Variants in CDK5RAP3 observed in about 807,000 individuals in gnomAD.
CDK5RAP3 encodes the protein CDK5 regulatory subunit-associated protein 3.
In CDK5RAP3, 58 loss-of-function variants were observed where a neutral mutation model predicts 73.3. That is an observed-to-expected ratio of 0.79 (90% CI 0.64 to 0.98). The LOEUF is 0.98. Ranked by LOEUF, CDK5RAP3 falls within the 50% of genes least tolerant of loss-of-function variation. The pLI is 0.00. For missense variants in CDK5RAP3, 525 were observed against 615.8 expected, an observed-to-expected ratio of 0.85 and a Z score of 1.56; for synonymous variants, 224 against 247.5, an observed-to-expected ratio of 0.91 and a Z score of 0.89.
In CDK5RAP3 at chr17:47,975,595, C is replaced by T. The variant is rs1021394163; in HGVS notation, c.595C>T (p.Gln199Ter). ...GGCTGAGATTGGGGCAGCGGCTCAG[C>T]AGTCCCTGGGGGAAGCCATTGACGT... is the stretch of plus-strand genomic sequence containing the variant. Reference protein sequence around the residue: ...QLAEIGAAAQQSLGEAIDVYQ... With the variant: ...QLAEIGAAAQ Residue 199 changes from glutamine (Q) to a stop codon, truncating the protein, a stop_gained, in exon 7 of 14, where the codon CAG becomes TAG. Coordinates refer to ENST00000338399, the MANE Select transcript of CDK5RAP3 (RefSeq NM_176096.3). LOFTEE classifies it high-confidence loss of function. 2 of 1,609,128 alleles carry T rather than the reference C, an allele frequency of 1.2e-6. No individual in the cohort carries two copies. The highest frequency in any genetic ancestry group is 8.5e-7 in the Non-Finnish European group (1 of 1,180,004).
At chr17:47,975,802 C>A (rs2036394925) in intron 7 of CDK5RAP3, 67 bp from the exon 8 acceptor site, 2 of 1,606,394 alleles carry the variant, frequency 1.2e-6, no homozygotes, top group African/African-American at 2.7e-5. Context: ...CCATGTGGCC[C>A]AGGCCAAAGC....
At position 47,976,722 on chromosome 17, in the gene CDK5RAP3, G is replaced by A. The variant is rs780936340; in HGVS notation, c.809G>A (p.Gly270Asp). ...TCTTTCCCTTTCCAGATTGACTGGGGCGACTTTGGGGTAGAGGCAGTGTCT... is the reference window on the plus strand; with the variant it reads ...TCTTTCCCTTTCCAGATTGACTGGGACGACTTTGGGGTAGAGGCAGTGTCT... Reference protein sequence around the residue: ...EQVAEDAIDWGDFGVEAVSEG... With the variant: ...EQVAEDAIDWDDFGVEAVSEG... The change falls in exon 9 of 14, where the codon GGC (glycine) becomes GAC (aspartate). Residue 270 changes from glycine to aspartate, a missense_variant. Physicochemically the swap from Gly to Asp is moderately conservative, Grantham distance 94. Transcript: ENST00000338399. The A allele has an allele frequency of 3.7e-5, 59 of 1,610,868 alleles. No individual in the cohort carries two copies. The South Asian group carries it at 6.3e-4, about 17-fold the overall frequency.
chr17:47,971,887 C>T (rs1282035524), intron 2 of CDK5RAP3, among the ~76,000 whole-genome samples: 2 of 151,964 alleles, frequency 1.3e-5, no homozygotes, highest in Admixed American at 6.6e-5. Context: ...CCCAGCTACT[C>T]GGGAGGCTGA....
rs2036379828 is a variant in CDK5RAP3, at chr17:47,975,428, C to T, written c.514-86C>T. The stretch of plus-strand genomic sequence containing the variant: ...CGTCTGACCCCTCAGCCTGGTTGCA[C>T]CCCCTTTGGGCCAGTGTCTTACTTT... On this transcript the variant is annotated intron_variant, in intron 6 of 13. Coordinates refer to ENST00000338399, the MANE Select transcript of CDK5RAP3 (RefSeq NM_176096.3). 10 of 1,606,080 alleles carry T rather than the reference C, an allele frequency of 6.2e-6. No individual in the cohort carries two copies. In the South Asian group the frequency reaches 1.1e-4, roughly 18 times the overall value.
intron 6 of CDK5RAP3, 82 bp from the exon 7 acceptor site, chr17:47,975,432 C>A: frequency 6.2e-7 from 1 of 1,607,982 alleles, no homozygotes; most frequent in South Asian, 1.1e-5. Context: ...GTTGCACCCC[C>A]TTTGGGCCAG....
upstream of CDK5RAP3, chr17:47,971,010 T>C (rs888153641): frequency 2.6e-5 from 40 of 1,510,184 alleles, no homozygotes; most frequent in Admixed American, 4.2e-5. Flanking sequence ...TAAACCCTGA[T>C]TGGCTGTACG....
chr17:47,968,643 G>C (rs1050121097), upstream of CDK5RAP3, among the ~76,000 whole-genome samples: 8 of 152,200 alleles, frequency 5.3e-5, no homozygotes, highest in African/African-American at 1.9e-4. Context: ...TCAGCTTCCT[G>C]AGTAGCTGGG....
At chr17:47,974,688 G>A in intron 5 of CDK5RAP3, 1 of 1,356,708 alleles carries the variant, frequency 7.4e-7, no homozygotes. Context: ...TCAGCGAGCA[G>A]GTGTGTGTGG....
rs371263437 is a variant in CDK5RAP3, at chr17:47,974,022, G to A, written c.276G>A (p.Gln92=). The A allele has an allele frequency of 4.3e-6, 7 of 1,611,952 alleles. No individual in the cohort carries two copies. In the African/African-American group the frequency reaches 6.7e-5, roughly 15 times the overall value. ...ATATTTTTGGCCGATACTCTTCACAGCGGATGAAGGCAAGTGTGGGCCAAG... is the reference window on the plus strand; with the variant it reads ...ATATTTTTGGCCGATACTCTTCACAACGGATGAAGGCAAGTGTGGGCCAAG... ...TKNIFGRYSS[Q]RMKDWQEIIA... is the part of the protein sequence containing the mutation. The change falls in exon 4 of 14, where the codon CAG becomes CAA. Residue 92 remains glutamine, a synonymous_variant. Transcript: ENST00000338399.
upstream of CDK5RAP3, chr17:47,971,060 A>C (rs1471027324): frequency 1.3e-6 from 2 of 1,549,758 alleles, no homozygotes; most frequent in South Asian, 1.2e-5. Flanking sequence ...GTTTGTGTCT[A>C]AACGGAGGCT....
At chr17:47,974,875 ATGGCTAATATTTCC>A in intron 5 of CDK5RAP3, 1 of 1,334,642 alleles carries the variant, frequency 7.5e-7, no homozygotes. Context: ...AATAATAATA[ATGGCTAATATTTCC>A]TGAGCATCTA....
chr17:47,974,503 G>A (rs769924713), intron 5 of CDK5RAP3, 55 bp downstream of exon 5: 85 of 1,613,470 alleles, frequency 5.3e-5, no homozygotes, highest in Non-Finnish European at 6.8e-5. Flanking sequence ...CACTCTCAGA[G>A]TTCTGAGATA....
At chr17:47,978,021 G>A (rs1325651161) in intron 10 of CDK5RAP3, 111 bp downstream of exon 10, 4 of 706,630 alleles carry the variant, frequency 5.7e-6, no homozygotes, top group Admixed American at 2.9e-5. Flanking sequence ...ACATTTAACT[G>A]TTTCTCAAAA....
intron 1 of CDK5RAP3, 27 bp from the exon 2 acceptor site, chr17:47,971,331 ACGCC>A: frequency 6.2e-7 from 1 of 1,604,134 alleles, no homozygotes; most frequent in Non-Finnish European, 8.5e-7. Flanking sequence ...CTCCGCGCTC[ACGCC>A]CCCCTCCTCA....
At position 47,975,364 on chromosome 17, in the gene CDK5RAP3, C is replaced by T. The variant is rs757634684; in HGVS notation, c.513+27C>T. The stretch of plus-strand genomic sequence containing the variant: ...TGAGCGGCGGCAGCCTCTTCGCAGC[C>T]AGAGGACACCTGGGCCCCTGCTTGT... On this transcript the variant is annotated intron_variant, in intron 6 of 13. Coordinates refer to ENST00000338399, the MANE Select transcript of CDK5RAP3 (RefSeq NM_176096.3). The T allele has an allele frequency of 5.0e-6, 8 of 1,610,292 alleles. No individual in the cohort carries two copies. The East Asian group carries it at 6.7e-5, about 13-fold the overall frequency.
rs189555578 is a variant in CDK5RAP3 at position 47,971,888 on chromosome 17, G to A, written c.52+481G>A. 3.7e-4 allele frequency among the ~76,000 whole-genome samples: 57 copies of A among 152,222 alleles called. 1 individual carries two copies. Among genetic ancestry groups the A allele is most frequent in the Admixed American group, 1.2e-3 (19 of 15,276 alleles). The stretch of plus-strand genomic sequence containing the variant: ...CACATGCCTGTAATCCCAGCTACTC[G>A]GGAGGCTGAGGTGGGAGAATTGCTT... On this transcript the variant is annotated intron_variant, in intron 2 of 13. Transcript: ENST00000338399.
chr17:47,979,525 G>A (rs958295364), intron 11 of CDK5RAP3: 1 of 152,838 alleles, frequency 6.5e-6, no homozygotes, highest in African/African-American at 2.4e-5. Context: ...GAGTAGAAGA[G>A]CTCAGAGATG....
chr17:47,970,314 G>A (rs916453714), upstream of CDK5RAP3, among the ~76,000 whole-genome samples: 2 of 152,224 alleles, frequency 1.3e-5, no homozygotes, highest in African/African-American at 4.8e-5. Flanking sequence ...TGCCCGCGGA[G>A]CCGACTTCAT....
rs985377393 is a variant in CDK5RAP3 at position 47,971,170 on chromosome 17, G to A, written c.6+18G>A. The A allele has an allele frequency of 1.3e-6, 2 of 1,545,068 alleles. No homozygotes were observed. Among genetic ancestry groups the A allele is most frequent in the African/African-American group, 2.7e-5 (2 of 73,006 alleles). On this transcript the variant is annotated intron_variant, in intron 1 of 13. Transcript: ENST00000338399. ...AGATGGAGGTGTGGGGACAGGAGCT[G>A]GGTGTGCTGGGGACTGGCCGCGGAC... is the stretch of plus-strand genomic sequence containing the variant.
Sources: gnomAD v4.1 joint callset for allele counts (sites outside exome capture counted in the v4.1 genomes callset) on GRCh38, gnomAD v4.1.1 for gene constraint, MANE v1.5 for transcripts, NCBI Gene and HGNC (gene_info 2026-07-23, HGNC 2026-07-21) for gene names.